Variants in RAP1GAP2 observed in about 807,000 individuals in gnomAD.
RAP1GAP2 encodes RAP1 GTPase activating protein 2, also known as rap1 GTPase-activating protein 2.
A neutral mutation model predicts 95.0 loss-of-function variants in RAP1GAP2; 27 were observed. The observed-to-expected ratio is 0.28, with a 90% CI of 0.21 to 0.39. The LOEUF (loss-of-function observed/expected upper bound fraction) is 0.39, where lower values mean the gene tolerates loss of function less well. Ranked by LOEUF, RAP1GAP2 falls within the 10% of genes least tolerant of loss-of-function variation. The probability of loss-of-function intolerance (pLI) is 1.00; values close to 1 mark genes in which losing one functional copy is unlikely to be tolerated. For synonymous variants in RAP1GAP2, 373 were observed against 380.9 expected, an observed-to-expected ratio of 0.98 and a Z score of 0.24; for missense variants, 771 against 970.0, an observed-to-expected ratio of 0.79 and a Z score of 2.72.
intron 3 of RAP1GAP2, among the ~76,000 whole-genome samples, chr17:2,950,717 T>A (rs188621920): frequency 1.4e-3 from 206 of 150,128 alleles, no homozygotes; most frequent in African/African-American, 4.7e-3. Context: ...CTCAAGCAAT[T>A]CTCCTGCCTC....
chr17:2,854,771 A>G (rs1373942678), intron 2 of RAP1GAP2, among the ~76,000 whole-genome samples: 2 of 152,158 alleles, frequency 1.3e-5, no homozygotes, highest in Admixed American at 6.5e-5. Context: ...CTAGGCTGCA[A>G]CCGCAGCTGC....
In RAP1GAP2 at chr17:2,872,106, C is replaced by T. The variant is rs574877446; in HGVS notation, c.81-33178C>T. On this transcript the variant is annotated intron_variant, in intron 2 of 24. Transcript: ENST00000254695. Reference sequence around the variant, plus strand: ...ATGCACGCCTGTAATCCCAGCTACTCGGGAGGCTGAGGCAGGAGAATCGCT... The same window carrying T: ...ATGCACGCCTGTAATCCCAGCTACTTGGGAGGCTGAGGCAGGAGAATCGCT... Among the ~76,000 whole-genome samples the T allele has an allele frequency of 2.0e-3, 294 of 147,796 alleles. 2 individuals are homozygous for T. The highest frequency in any genetic ancestry group is 6.6e-3 in the African/African-American group (262 of 39,962).
rs776271064 is a variant in RAP1GAP2, at chr17:2,957,818, C to T, written c.201+24C>T. On this transcript the variant is annotated intron_variant, in intron 4 of 24. Transcript: ENST00000254695. ...AGGTGAGTACGTACCCCCACCGTGG[C>T]GGGGAAGAAGCCCAGCCCCAGATGT... The T allele has an allele frequency of 3.0e-5, 47 of 1,565,982 alleles. 1 individual carries two copies. Among genetic ancestry groups the T allele is most frequent in the South Asian group, 1.3e-4 (11 of 85,746 alleles).
intron 2 of RAP1GAP2, among the ~76,000 whole-genome samples, chr17:2,771,499 G>T (rs58565031): frequency 0.21 from 25,313 of 123,322 alleles, 2,887 homozygotes; most frequent in South Asian, 0.37. Flanking sequence ...TTTTTTTTTT[G>T]TTTTTTTTTT....
chr17:2,776,823 C>CGGAGGAGGAGGAGGAGGA (rs372983882), upstream of RAP1GAP2, among the ~76,000 whole-genome samples: 8 of 144,040 alleles, frequency 5.6e-5, no homozygotes, highest in Admixed American at 2.1e-4. Flanking sequence ...CCCGCCGCCC[C>CGGAGGAGGAGGAGGAGGA]GGAGGAGGAG....
At chr17:2,953,320 C>G (rs2151462580) in intron 3 of RAP1GAP2, among the ~76,000 whole-genome samples, 1 of 152,200 alleles carries the variant, frequency 6.6e-6, no homozygotes, top group East Asian at 1.9e-4. Context: ...TTGCCTCAGC[C>G]TCCTGTGTAG....
intron 17 of RAP1GAP2, among the ~76,000 whole-genome samples, chr17:3,011,153 CCT>C (rs2151621681): frequency 1.3e-5 from 2 of 152,256 alleles, no homozygotes; most frequent in Admixed American, 1.3e-4. Context: ...GTCTCGAACT[CCT>C]GACCTCAGGT....
At chr17:2,977,476 G>C in intron 8 of RAP1GAP2, among the ~76,000 whole-genome samples, 1 of 152,086 alleles carries the variant, frequency 6.6e-6, no homozygotes, top group East Asian at 1.9e-4. Context: ...TGGGCGTGGT[G>C]GCTCACATCT....
chr17:2,963,310 C>A lies in RAP1GAP2; in HGVS notation c.247-120C>A. On this transcript the variant is annotated intron_variant, in intron 5 of 24. Transcript: ENST00000254695. This position sits in a 1 kb window ranked among gnomAD's most constrained non-coding sequence, Gnocchi z 4.8. ...AGCTGATTCTGAGCTGTTCTTCCAT[C>A]GAATGTTCCTCCCTCAAAGCCCCCC... The A allele has an allele frequency of 8.8e-7, 1 of 1,130,288 alleles. No homozygotes were observed. 70.0% of individuals were successfully genotyped at this position (1,130,288 alleles called of 1,614,324 possible).
At chr17:2,989,399 C>A (rs968872095) in intron 11 of RAP1GAP2, among the ~76,000 whole-genome samples, 42 of 152,062 alleles carry the variant, frequency 2.8e-4, no homozygotes, top group African/African-American at 9.9e-4. Context: ...GTGGTGTGAT[C>A]TCTACTCACT....
chr17:2,800,819 T>C (rs191458221), intron 2 of RAP1GAP2, among the ~76,000 whole-genome samples: 15 of 149,548 alleles, frequency 1.0e-4, no homozygotes, highest in Admixed American at 5.4e-4. Context: ...CCCATTATTC[T>C]TTTTTTTCTT....
intron 2 of RAP1GAP2, among the ~76,000 whole-genome samples, chr17:2,877,630 A>C (rs2073144787): frequency 6.6e-6 from 1 of 152,150 alleles, no homozygotes; most frequent in Admixed American, 6.5e-5. Context: ...GGGCACCTGT[A>C]ATCCCAGCTA....
intron 2 of RAP1GAP2, among the ~76,000 whole-genome samples, chr17:2,895,048 T>C (rs1386408681): frequency 6.6e-6 from 1 of 152,190 alleles, no homozygotes; most frequent in African/African-American, 2.4e-5. Flanking sequence ...GCACTGTTTG[T>C]ACTGTGTGTG....
chr17:2,808,991 G>A (rs1158463265), intron 2 of RAP1GAP2, among the ~76,000 whole-genome samples: 1 of 152,206 alleles, frequency 6.6e-6, no homozygotes, highest in Non-Finnish European at 1.5e-5. Context: ...GCAGGGAGAA[G>A]CAGGGAAGGC....
At chr17:2,972,175 T>C (rs2044892471) in intron 8 of RAP1GAP2, among the ~76,000 whole-genome samples, 1 of 152,142 alleles carries the variant, frequency 6.6e-6, no homozygotes, top group South Asian at 2.1e-4. Context: ...GTGGAAGAAA[T>C]TGAAAAAGTT....
intron 2 of RAP1GAP2, among the ~76,000 whole-genome samples, chr17:2,851,485 T>C (rs1311341066): frequency 1.3e-5 from 2 of 151,930 alleles, no homozygotes; most frequent in Non-Finnish European, 2.9e-5. Flanking sequence ...GAGGGGAAAT[T>C]GCTGTTTATG....
chr17:2,861,649 T>TG, intron 2 of RAP1GAP2, among the ~76,000 whole-genome samples: 1 of 110,110 alleles, frequency 9.1e-6, no homozygotes, highest in South Asian at 3.2e-4. Context: ...TGTATTTTTT[T>TG]TGGGGGGGGG....
intron 3 of RAP1GAP2, among the ~76,000 whole-genome samples, chr17:2,927,494 CTT>C (rs1394416793): frequency 8.5e-5 from 13 of 152,194 alleles, no homozygotes; most frequent in Non-Finnish European, 1.8e-4. Flanking sequence ...GATTCCCTCT[CTT>C]CTGCCTCCTT....
rs529125727 is a variant in RAP1GAP2, at chr17:2,879,281, A to G, written c.81-26003A>G. On this transcript the variant is annotated intron_variant, in intron 2 of 24. Coordinates refer to ENST00000254695, the MANE Select transcript of RAP1GAP2 (RefSeq NM_015085.5). ...CAGGCACCCGCCACCATAACTGGCTAATTTTTGTAAACTTAGTAGAGCTGG... is the reference window on the plus strand; with the variant it reads ...CAGGCACCCGCCACCATAACTGGCTGATTTTTGTAAACTTAGTAGAGCTGG... Among the ~76,000 whole-genome samples, 20 of 152,092 alleles carry G rather than the reference A, an allele frequency of 1.3e-4. No homozygotes were observed. In the South Asian group the frequency reaches 2.7e-3, roughly 21 times the overall value.
Sources: allele counts gnomAD v4.1 joint callset (sites outside exome capture counted in the v4.1 genomes callset), GRCh38; gene constraint gnomAD v4.1.1; non-coding constraint Gnocchi (gnomAD v3.1); transcripts MANE v1.5; gene names NCBI Gene and HGNC (gene_info 2026-07-23, HGNC 2026-07-21).